Variants in VAMP7 observed in about 807,000 individuals in gnomAD.
The protein encoded by VAMP7 is vesicle associated membrane protein 7.
A neutral mutation model predicts 29.6 loss-of-function variants in VAMP7; 14 were observed. The observed-to-expected ratio is 0.47, with a 90% CI of 0.31 to 0.74. The LOEUF (loss-of-function observed/expected upper bound fraction) is 0.74. Ranked by LOEUF, VAMP7 falls within the 30% of genes least tolerant of loss-of-function variation. The pLI is 0.05. For synonymous variants in VAMP7, 95 were observed against 88.1 expected (o/e 1.08, Z -0.44); for missense variants, 223 against 262.4 (o/e 0.85, Z 1.04).
At chrX:155,920,322 G>A (rs974138460) in intron 6 of VAMP7, among the ~76,000 whole-genome samples, 5 of 152,126 alleles carry the variant, frequency 3.3e-5, no homozygotes, top group African/African-American at 7.2e-5. Flanking sequence ...AAGAGACATC[G>A]ATTGGAAAGC....
At chrX:155,909,754 T>C (rs2066209726) in intron 5 of VAMP7, among the ~76,000 whole-genome samples, 1 of 152,186 alleles carries the variant, frequency 6.6e-6, no homozygotes, top group South Asian at 2.1e-4. Context: ...GACAGCATCT[T>C]CTCTCTCTGT....
intron 1 of VAMP7, 114 bp downstream of exon 1, chrX:155,881,562 G>C (rs2065801875): frequency 6.5e-6 from 1 of 152,708 alleles, no homozygotes; most frequent in Non-Finnish European, 1.5e-5. Context: ...GGGGTGACTT[G>C]GGCTTCTCTG....
At position 155,898,096 on chromosome X, in the gene VAMP7, G is replaced by T; in HGVS notation, c.205-16G>T. On this transcript the variant is annotated splice_polypyrimidine_tract_variant and intron_variant, in intron 3 of 7. Coordinates refer to ENST00000286448, the MANE Select transcript of VAMP7 (RefSeq NM_005638.6). ...TTTACTTTCTAAATGTGAGTTCTGT[G>T]TTGATCTCTTTTCAGGATTTTGAAC... 6.2e-7 allele frequency: 1 copy of T among 1,611,874 alleles called. No individual in the cohort carries two copies. The highest frequency in any genetic ancestry group is 8.5e-7 in the Non-Finnish European group (1 of 1,179,094).
intron 1 of VAMP7, among the ~76,000 whole-genome samples, chrX:155,881,854 G>A (rs748084035): frequency 2.0e-4 from 31 of 152,138 alleles, no homozygotes; most frequent in African/African-American, 7.5e-4. Flanking sequence ...CTCCTTCGTG[G>A]GTTCCTAGCC....
At chrX:155,901,047 C>T (rs183712793) in intron 5 of VAMP7, among the ~76,000 whole-genome samples, 6 of 152,068 alleles carry the variant, frequency 3.9e-5, no homozygotes, top group Non-Finnish European at 8.8e-5. Flanking sequence ...ATGAAAATGT[C>T]AATTGGACTG....
chrX:155,932,149 A>C (rs2066568915), intron 6 of VAMP7, among the ~76,000 whole-genome samples: 3 of 152,074 alleles, frequency 2.0e-5, no homozygotes. Flanking sequence ...CATGATGCCT[A>C]CAGTTTTGTT....
At chrX:155,896,333 C>T (rs779745392) in intron 3 of VAMP7, among the ~76,000 whole-genome samples, 52 of 152,116 alleles carry the variant, frequency 3.4e-4, no homozygotes, top group Admixed American at 6.5e-4. Context: ...AAATTGTTTA[C>T]GTGGAATGTT....
At chrX:155,933,911 A>G (rs934176001) in intron 6 of VAMP7, among the ~76,000 whole-genome samples, 3 of 152,034 alleles carry the variant, frequency 2.0e-5, no homozygotes, top group African/African-American at 7.3e-5. Flanking sequence ...CTTTGTTCTC[A>G]TTGGTTTCAA....
At chrX:155,887,813 C>T (rs1207389577) in intron 1 of VAMP7, among the ~76,000 whole-genome samples, 1 of 151,842 alleles carries the variant, frequency 6.6e-6, no homozygotes, top group Non-Finnish European at 1.5e-5. Flanking sequence ...CACCTGTAGT[C>T]CCAGATACTC....
intron 1 of VAMP7, among the ~76,000 whole-genome samples, chrX:155,883,143 A>G (rs1383312026): frequency 2.0e-5 from 3 of 152,176 alleles, no homozygotes; most frequent in South Asian, 4.1e-4. Flanking sequence ...TGACTGTCAT[A>G]TAGTAACCCA....
At chrX:155,926,478 G>A (rs910330082) in intron 6 of VAMP7, among the ~76,000 whole-genome samples, 4 of 152,062 alleles carry the variant, frequency 2.6e-5, no homozygotes, top group Admixed American at 1.3e-4. Flanking sequence ...CACCTTCCTC[G>A]CCTCTCTCAG....
chrX:155,911,983 TC>T (rs1210664913), intron 5 of VAMP7, among the ~76,000 whole-genome samples: 1 of 152,130 alleles, frequency 6.6e-6, no homozygotes, highest in African/African-American at 2.4e-5. Flanking sequence ...GGCTAGGACT[TC>T]CAGTATTGTG....
At chrX:155,900,321 C>T (rs2066044029) in intron 4 of VAMP7, among the ~76,000 whole-genome samples, 176 bp from the exon 5 acceptor site, 1 of 151,618 alleles carries the variant, frequency 6.6e-6, no homozygotes, top group South Asian at 2.1e-4. Flanking sequence ...TTTTATGCTG[C>T]CCATATTTTT....
chrX:155,925,659 G>A (rs2066457103), intron 6 of VAMP7, among the ~76,000 whole-genome samples: 1 of 152,252 alleles, frequency 6.6e-6, no homozygotes, highest in Non-Finnish European at 1.5e-5. Context: ...AAGGCTCGAA[G>A]TGGGGAGGGG....
At chrX:155,914,762 G>A (rs2066286933) in intron 5 of VAMP7, among the ~76,000 whole-genome samples, 1 of 152,078 alleles carries the variant, frequency 6.6e-6, no homozygotes, top group African/African-American at 2.4e-5. Flanking sequence ...GGTTCGATTT[G>A]CCAGTATTTT....
rs933526595 is a variant in VAMP7 at position 155,943,522 on chromosome X, A to G, written c.*1571A>G. 2 of 152,512 alleles carry G rather than the reference A, an allele frequency of 1.3e-5. No individual in the cohort carries two copies. The highest frequency in any genetic ancestry group is 2.9e-5 in the Non-Finnish European group (2 of 68,026). 9.4% of individuals were successfully genotyped at this position (152,512 alleles called of 1,614,324 possible). A position where few individuals can be genotyped will look rare whatever the true frequency, so the allele number is the denominator to read the frequency against. ...ATCAGTATTTCCTATTGGAAAATACATCTGTTCCAGAAAAACATTTGGCAT... is the reference window on the plus strand; with the variant it reads ...ATCAGTATTTCCTATTGGAAAATACGTCTGTTCCAGAAAAACATTTGGCAT... On this transcript the variant is annotated 3_prime_UTR_variant, in exon 8 of 8. Coordinates refer to ENST00000286448, the MANE Select transcript of VAMP7 (RefSeq NM_005638.6).
At chrX:155,898,032 G>GT (rs1156333802) in intron 3 of VAMP7, 80 bp from the exon 4 acceptor site, 1 of 1,534,796 alleles carries the variant, frequency 6.5e-7, no homozygotes, top group Non-Finnish European at 8.8e-7. Flanking sequence ...AATGTTAGCT[G>GT]TTTTTTATTG....
chrX:155,885,036 T>C (rs902467827), intron 1 of VAMP7, among the ~76,000 whole-genome samples: 79 of 152,232 alleles, frequency 5.2e-4, no homozygotes, highest in African/African-American at 1.7e-3. Flanking sequence ...TACACTGTTA[T>C]GCCAACCAGT....
At chrX:155,887,944 A>G (rs182183534) in intron 1 of VAMP7, among the ~76,000 whole-genome samples, 27 of 151,958 alleles carry the variant, frequency 1.8e-4, no homozygotes, top group Non-Finnish European at 3.1e-4. Flanking sequence ...TCTCAAAAAA[A>G]AAAAAAAAAG....
Sources: allele counts gnomAD v4.1 joint callset (sites outside exome capture counted in the v4.1 genomes callset), GRCh38; gene constraint gnomAD v4.1.1; transcripts MANE v1.5; gene names NCBI Gene and HGNC (gene_info 2026-07-23, HGNC 2026-07-21).